Variants in PCDHGB6 observed in about 807,000 individuals in gnomAD.
PCDHGB6 encodes protocadherin gamma-B6.
A neutral mutation model predicts 59.1 loss-of-function variants in PCDHGB6; 51 were observed. The observed-to-expected ratio is 0.86, with a 90% CI of 0.69 to 1.09. The LOEUF is 1.09. PCDHGB6 is among the 50% of genes least tolerant of loss of function. The pLI is 0.00. For missense variants in PCDHGB6, 1,148 were observed against 1,205.1 expected (o/e 0.95, Z 0.70); for synonymous variants, 466 against 495.1 (o/e 0.94, Z 0.78).
At position 141,431,389 on chromosome 5, in the gene PCDHGB6, G is replaced by A; in HGVS notation, c.2418+20769G>A. 2 of 1,613,876 alleles carry A rather than the reference G, an allele frequency of 1.2e-6. No individual in the cohort carries two copies. The highest frequency in any genetic ancestry group is 1.7e-6 in the Non-Finnish European group (2 of 1,180,040). ...GCGAAGAAAAGGCTGCTCACCACCT[G>A]GTCCTTACGGCCTCCGACGGGGGCG... On this transcript the variant is annotated intron_variant, in intron 1 of 3. Coordinates refer to ENST00000520790, the MANE Select transcript of PCDHGB6 (RefSeq NM_018926.3). This position sits in a 1 kb window ranked among gnomAD's most constrained non-coding sequence, Gnocchi z 4.8.
chr5:141,498,509 C>T (rs2099784058), intron 2 of PCDHGB6, among the ~76,000 whole-genome samples: 1 of 151,740 alleles, frequency 6.6e-6, no homozygotes, highest in East Asian at 1.9e-4. Flanking sequence ...TCCCTCCCCA[C>T]CATCTTGCCC....
rs766182165 is a variant in PCDHGB6 at position 141,478,048 on chromosome 5, C to T, written c.2419-16759C>T. ...ACACAGATTCACCCAGGCAGACTCT[C>T]ACGGTCTTGATCAAAGACAATGGGG... On this transcript the variant is annotated intron_variant, in intron 1 of 3. Transcript: ENST00000520790. 5.6e-6 allele frequency: 9 copies of T among 1,614,040 alleles called. No homozygotes were observed. In the Admixed American group the frequency reaches 1.0e-4, roughly 18 times the overall value.
At chr5:141,428,220 C>T (rs1228544858) in intron 1 of PCDHGB6, 1 of 1,178,786 alleles carries the variant, frequency 8.5e-7, no homozygotes. Flanking sequence ...ACCTAGTCTT[C>T]GCAGACAGCC....
intron 1 of PCDHGB6, among the ~76,000 whole-genome samples, chr5:141,460,124 A>AAT (rs2098982741): frequency 6.6e-6 from 1 of 152,052 alleles, no homozygotes; most frequent in African/African-American, 2.4e-5. Context: ...TTATATATGT[A>AAT]ATATATATAT....
rs1236074950 is a variant in PCDHGB6 at position 141,489,119 on chromosome 5, C to G, written c.2419-5688C>G. On this transcript the variant is annotated intron_variant, in intron 1 of 3. Transcript: ENST00000520790. This position sits in a 1 kb window ranked among gnomAD's most constrained non-coding sequence, Gnocchi z 4.5. ...GAACTGCTGCAAGCAGGCAAACCTC[C>G]GAGCAGTTTTTAAGAGGCTGGAAGG... The G allele has an allele frequency of 1.5e-6, 1 of 650,358 alleles. No individual in the cohort carries two copies. Among genetic ancestry groups the G allele is most frequent in the Non-Finnish European group, 2.5e-6 (1 of 400,690 alleles). The allele number at this position is 650,358 out of a possible 1,614,324, so 40.3% of individuals were successfully genotyped here. A position where few individuals can be genotyped will look rare whatever the true frequency, so the allele number is the denominator to read the frequency against.
At chr5:141,415,647 A>C in intron 1 of PCDHGB6, 2 of 1,599,602 alleles carry the variant, frequency 1.3e-6, no homozygotes, top group Non-Finnish European at 1.7e-6. Context: ...TTGTTAAAAA[A>C]AAAAAGATTG....
Position 141,493,701 on chromosome 5 carries a change from C to G in PCDHGB6, c.2419-1106C>G, listed in dbSNP as rs2099749680. 6.6e-6 allele frequency among the ~76,000 whole-genome samples: 1 copy of G among 152,172 alleles called. No homozygotes were observed. Among genetic ancestry groups the G allele is most frequent in the Admixed American group, 6.5e-5 (1 of 15,286 alleles). On this transcript the variant is annotated intron_variant, in intron 1 of 3. Coordinates refer to ENST00000520790, the MANE Select transcript of PCDHGB6 (RefSeq NM_018926.3). This position sits in a 1 kb window ranked among gnomAD's most constrained non-coding sequence, Gnocchi z 4.3. Reference sequence around the variant, plus strand: ...ATGGTGCTGGTGACTCCCGATACACCTGGAATGCTAGGTTTCTGGGTTCTG... The same window carrying G: ...ATGGTGCTGGTGACTCCCGATACACGTGGAATGCTAGGTTTCTGGGTTCTG...
rs1387677265 is a variant in PCDHGB6 at position 141,486,434 on chromosome 5, T to C, written c.2419-8373T>C. 3 of 1,614,150 alleles carry C rather than the reference T, an allele frequency of 1.9e-6. No homozygotes were observed. The highest frequency in any genetic ancestry group is 2.5e-6 in the Non-Finnish European group (3 of 1,179,986). The stretch of plus-strand genomic sequence containing the variant: ...CTTGGATCGAGAGGCCAAATCTAGC[T>C]ATGACATCATGGTCACTGCTTCTGA... On this transcript the variant is annotated intron_variant, in intron 1 of 3. Coordinates refer to ENST00000520790, the MANE Select transcript of PCDHGB6 (RefSeq NM_018926.3). This position sits in a 1 kb window ranked among gnomAD's most constrained non-coding sequence, Gnocchi z 5.0.
rs187495695 is a variant in PCDHGB6, at chr5:141,486,508, T to G, written c.2419-8299T>G. The G allele has an allele frequency of 9.3e-6, 15 of 1,614,172 alleles. No homozygotes were observed. In the Admixed American group the frequency reaches 2.5e-4, roughly 27 times the overall value. The stretch of plus-strand genomic sequence containing the variant: ...CCCACAGAACTATTTTCCTCAATAT[T>G]TCAGATGTGAATGATAATCCACCCT... On this transcript the variant is annotated intron_variant, in intron 1 of 3. Coordinates refer to ENST00000520790, the MANE Select transcript of PCDHGB6 (RefSeq NM_018926.3). The surrounding 1 kb of genome is among the most constrained non-coding windows in gnomAD (Gnocchi z 5.0).
intron 3 of PCDHGB6, chr5:141,508,128 T>C (rs1490298338): frequency 6.6e-6 from 1 of 151,706 alleles, no homozygotes; most frequent in African/African-American, 2.4e-5. Context: ...CAGAGGGAGG[T>C]CAGGGAGCTG....
intron 1 of PCDHGB6, among the ~76,000 whole-genome samples, chr5:141,465,879 T>C (rs979784878): frequency 6.6e-6 from 1 of 152,062 alleles, no homozygotes; most frequent in African/African-American, 2.4e-5. Context: ...TCCCAGCACT[T>C]TGGGAGGCCG....
intron 1 of PCDHGB6, among the ~76,000 whole-genome samples, chr5:141,430,322 C>G (rs1266324669): frequency 6.7e-6 from 1 of 150,364 alleles, no homozygotes; most frequent in Non-Finnish European, 1.5e-5. Flanking sequence ...AGATTAAAAT[C>G]ATTGTTTATA....
intron 1 of PCDHGB6, among the ~76,000 whole-genome samples, chr5:141,457,190 G>A (rs2098913282): frequency 6.6e-6 from 1 of 152,200 alleles, no homozygotes; most frequent in African/African-American, 2.4e-5. Context: ...GTAGAGTGAG[G>A]AAAGCAGTTC....
rs1385408442 is a variant in PCDHGB6 at position 141,487,321 on chromosome 5, T to A, written c.2419-7486T>A. 1 of 1,614,198 alleles carries A rather than the reference T, an allele frequency of 6.2e-7. No homozygotes were observed. The highest frequency in any genetic ancestry group is 1.7e-5 in the Admixed American group (1 of 60,032). ...TCGTGGCACTACTCTCTAAGTGTCT[T>A]CGTGGGGCAGCCTGTGGAGTCACAT... is the stretch of plus-strand genomic sequence containing the variant. On this transcript the variant is annotated intron_variant, in intron 1 of 3. Transcript: ENST00000520790. This position sits in a 1 kb window ranked among gnomAD's most constrained non-coding sequence, Gnocchi z 5.0.
chr5:141,458,619 G>T (rs1393941674), intron 1 of PCDHGB6, among the ~76,000 whole-genome samples: 1 of 152,080 alleles, frequency 6.6e-6, no homozygotes, highest in South Asian at 2.1e-4. Context: ...AGCCAGGCTG[G>T]AGTGCAGTGG....
chr5:141,501,501 T>C (rs2099809553), intron 2 of PCDHGB6, among the ~76,000 whole-genome samples: 1 of 151,938 alleles, frequency 6.6e-6, no homozygotes, highest in Non-Finnish European at 1.5e-5. Context: ...CTGCTGGGGC[T>C]CCAAGGCCTC....
Position 141,489,361 on chromosome 5 carries a change from C to A in PCDHGB6, c.2419-5446C>A. ...TTACTCAGTGGTGGAGGAGTCTGAG[C>A]CGGGGACGCTGGTGGGGAATGTTGC... On this transcript the variant is annotated intron_variant, in intron 1 of 3. Transcript: ENST00000520790. This position sits in a 1 kb window ranked among gnomAD's most constrained non-coding sequence, Gnocchi z 4.5. 1 of 1,612,880 alleles carries A rather than the reference C, an allele frequency of 6.2e-7. No individual in the cohort carries two copies. The highest frequency in any genetic ancestry group is 8.5e-7 in the Non-Finnish European group (1 of 1,179,164).
chr5:141,419,571 G>C, intron 1 of PCDHGB6: 1 of 1,611,704 alleles, frequency 6.2e-7, no homozygotes. Context: ...GGTCCCGACG[G>C]CTCCGCGCTC....
chr5:141,469,918 G>T (rs2099215604), intron 1 of PCDHGB6, among the ~76,000 whole-genome samples: 2 of 152,148 alleles, frequency 1.3e-5, no homozygotes, highest in African/African-American at 4.8e-5. Context: ...ACCACCCGAG[G>T]TCAGGAGTTT....
Sources: allele counts gnomAD v4.1 joint callset (sites outside exome capture counted in the v4.1 genomes callset), GRCh38; gene constraint gnomAD v4.1.1; non-coding constraint Gnocchi (gnomAD v3.1); transcripts MANE v1.5; gene names NCBI Gene and HGNC (gene_info 2026-07-23, HGNC 2026-07-21).